HMCN2: variants seen among roughly 807,000 people sequenced by gnomAD.
HMCN2 encodes hemicentin-2.
Under a neutral mutation model 377.5 loss-of-function variants are expected in HMCN2, and 325 were observed. That is an observed-to-expected ratio of 0.86 (90% CI 0.79 to 0.94). The LOEUF (loss-of-function observed/expected upper bound fraction) is 0.94. HMCN2 is among the 40% of genes least tolerant of loss of function. HMCN2 has a pLI of 0.00. For missense variants in HMCN2, 4,543 were observed against 4,725.3 expected (o/e 0.96, Z 1.13); for synonymous variants, 2,007 against 2,046.8 (o/e 0.98, Z 0.53).
Position 130,377,796 on chromosome 9 carries a change from C to G in HMCN2, c.8209C>G (p.Gln2737Glu). 6 of 986,046 alleles carry G rather than the reference C, an allele frequency of 6.1e-6. No individual in the cohort carries two copies. The highest frequency in any genetic ancestry group is 7.2e-6 in the Non-Finnish European group (6 of 830,040). The allele number at this position is 986,046 out of a possible 1,614,324, so 61.1% of individuals were successfully genotyped here. Residue 2737 changes from glutamine (Q) to glutamate (E), a missense_variant, in exon 53 of 98, where the codon CAG (glutamine) becomes GAG (glutamate). Transcript: ENST00000683500. ...EDDQDFNVLI[Q>E]VPPMFQKVGD... ...CGACCAGGACTTCAACGTGCTCATC[C>G]AGGGTGCGTGGCGCCAGTGGGCCAG...
intron 15 of HMCN2, among the ~76,000 whole-genome samples, chr9:130,316,899 G>A (rs1837591109): frequency 6.6e-6 from 1 of 152,302 alleles, no homozygotes; most frequent in East Asian, 1.9e-4. Flanking sequence ...CCTCCCACAT[G>A]TACAATGAGG....
intron 71 of HMCN2, 97 bp downstream of exon 71, chr9:130,395,444 G>A (rs1381026871): frequency 2.8e-6 from 3 of 1,080,900 alleles, no homozygotes; most frequent in Admixed American, 7.1e-5. Context: ...GGTGCCAAGG[G>A]CCCGCTCTGA....
In HMCN2 at chr9:130,355,000, G is replaced by T. The variant is rs906804465; in HGVS notation, c.5102G>T (p.Ser1701Ile). The T allele has an allele frequency of 1.5e-6, 2 of 1,295,354 alleles. No homozygotes were observed. The highest frequency in any genetic ancestry group is 1.0e-6 in the Non-Finnish European group (1 of 988,460). 80.2% of individuals were successfully genotyped at this position (1,295,354 alleles called of 1,614,324 possible). A position where few individuals can be genotyped will look rare whatever the true frequency, so the allele number is the denominator to read the frequency against. Residue 1701 changes from serine to isoleucine, a missense_variant, in exon 32 of 98, where the codon AGT becomes ATT. By Grantham distance (142) the Ser-to-Ile change is moderately radical. Transcript: ENST00000683500. ...SSGLYSCVAS[S>I]PAGEAVLQYS... ...GGCCTGTACAGCTGTGTGGCCAGCA[G>T]TCCTGCCGGGGAAGCCGTCCTGCAG... is the stretch of plus-strand genomic sequence containing the variant.
chr9:130,311,730 G>A (rs1190739305), intron 15 of HMCN2, among the ~76,000 whole-genome samples: 7 of 152,146 alleles, frequency 4.6e-5, no homozygotes, highest in Non-Finnish European at 1.0e-4. Context: ...AGCCCTCCCC[G>A]TGACAAGAGA....
chr9:130,363,578 T>C (rs1840501740), intron 40 of HMCN2, among the ~76,000 whole-genome samples: 1 of 151,884 alleles, frequency 6.6e-6, no homozygotes, highest in Admixed American at 6.6e-5. Context: ...TCCCAGCACT[T>C]TGGGAGGCTG....
intron 21 of HMCN2, among the ~76,000 whole-genome samples, 178 bp downstream of exon 21, chr9:130,326,148 C>T (rs1273835572): frequency 3.9e-5 from 6 of 152,172 alleles, no homozygotes; most frequent in Admixed American, 2.6e-4. Context: ...CCTCTCTCTG[C>T]CCCAGACCCT....
At chr9:130,353,905 C>A (rs1055973994) in intron 31 of HMCN2, among the ~76,000 whole-genome samples, 3 of 152,086 alleles carry the variant, frequency 2.0e-5, no homozygotes, top group African/African-American at 7.2e-5. Context: ...TCAGCCTGGC[C>A]CCCCGTGGGG....
At chr9:130,372,212 T>C (rs1303753972) in intron 46 of HMCN2, 82 bp from the exon 47 acceptor site, 1 of 346,874 alleles carries the variant, frequency 2.9e-6, no homozygotes, top group Non-Finnish European at 4.1e-6. Context: ...TAATGCCTTT[T>C]CCTGCTGGGC....
intron 1 of HMCN2, among the ~76,000 whole-genome samples, chr9:130,277,156 C>T (rs1564738702): frequency 6.6e-6 from 1 of 152,250 alleles, no homozygotes; most frequent in Non-Finnish European, 1.5e-5. Flanking sequence ...ATGGGGCTGG[C>T]CCCACACCCT....
chr9:130,305,677 G>A (rs1208618648), intron 11 of HMCN2, among the ~76,000 whole-genome samples: 1 of 152,208 alleles, frequency 6.6e-6, no homozygotes, highest in Admixed American at 6.5e-5. Flanking sequence ...GCGCGGGCCT[G>A]TGAGCTCTTT....
chr9:130,362,930 T>C lies in HMCN2; in HGVS notation c.6172T>C (p.Ser2058Pro). 1 of 985,938 alleles carries C rather than the reference T, an allele frequency of 1.0e-6. No homozygotes were observed. Among genetic ancestry groups the C allele is most frequent in the Admixed American group, 6.1e-5 (1 of 16,294 alleles). The allele number at this position is 985,938 out of a possible 1,614,324, so 61.1% of individuals were successfully genotyped here. A position where few individuals can be genotyped will look rare whatever the true frequency, so the allele number is the denominator to read the frequency against. ...SARASDSGRY[S>P]CVAVSAVGED... is the part of the protein sequence containing the mutation. Reference sequence around the variant, plus strand: ...CCGGGCCTCCGACTCTGGGAGGTACTCCTGCGTGGCTGTGAGCGCGGTGGG... The same window carrying C: ...CCGGGCCTCCGACTCTGGGAGGTACCCCTGCGTGGCTGTGAGCGCGGTGGG... Residue 2058 changes from serine (S) to proline (P), a missense_variant, in exon 40 of 98, where the codon TCC (serine) becomes CCC (proline). By Grantham distance (74) the Ser-to-Pro change is moderately conservative. This residue lies in a region of HMCN2 where 1,032 missense variants were observed against 1,285.1 expected (regional missense o/e 0.80). Transcript: ENST00000683500.
At chr9:130,319,446 C>T (rs1355217461) in intron 15 of HMCN2, 49 bp from the exon 16 acceptor site, 2 of 152,286 alleles carry the variant, frequency 1.3e-5, no homozygotes, top group Admixed American at 1.3e-4. Flanking sequence ...GGACCTGCCG[C>T]TGAGCAGGTC....
intron 1 of HMCN2, among the ~76,000 whole-genome samples, chr9:130,273,919 A>G (rs1834537939): frequency 6.6e-6 from 1 of 152,262 alleles, no homozygotes; most frequent in Non-Finnish European, 1.5e-5. Context: ...AAATAAACTC[A>G]AAAAACAAGA....
intron 64 of HMCN2, 34 bp from the exon 65 acceptor site, chr9:130,391,416 C>G: frequency 2.0e-6 from 2 of 987,862 alleles, no homozygotes; most frequent in Non-Finnish European, 2.4e-6. Context: ...TGTTCCCTTA[C>G]GCCTCTGCCC....
intron 1 of HMCN2, among the ~76,000 whole-genome samples, chr9:130,278,146 ACG>A (rs1310260812): frequency 1.3e-5 from 2 of 151,936 alleles, no homozygotes; most frequent in Non-Finnish European, 2.9e-5. Flanking sequence ...TTTTTTTGAG[ACG>A]CAGTCTCGCT....
In HMCN2 at chr9:130,370,706, A is replaced by C. The variant is rs144453636; in HGVS notation, c.7070-258A>C. On this transcript the variant is annotated intron_variant, in intron 45 of 97. Coordinates refer to ENST00000683500, the MANE Select transcript of HMCN2 (RefSeq NM_001291815.2). ...TGGGCACTTTCACGTGTTCCTGTTG[A>C]ATCCCCCAGCATCCCGCTGAGGGCT... Among the ~76,000 whole-genome samples, 432 of 152,290 alleles carry C rather than the reference A, an allele frequency of 2.8e-3. 1 individual carries two copies. The highest frequency in any genetic ancestry group is 6.8e-3 in the Middle Eastern group (2 of 294).
intron 23 of HMCN2, among the ~76,000 whole-genome samples, chr9:130,340,169 A>T (rs1441639621): frequency 6.6e-6 from 1 of 152,236 alleles, no homozygotes; most frequent in Non-Finnish European, 1.5e-5. Flanking sequence ...TGAGAAAGTG[A>T]CTTGAAACCA....
rs923998079 is a variant in HMCN2, at chr9:130,422,082, C to T, written c.13232-495C>T. Among the ~76,000 whole-genome samples the T allele has an allele frequency of 2.6e-5, 4 of 152,356 alleles. No individual in the cohort carries two copies. The East Asian group carries it at 5.8e-4, about 22-fold the overall frequency. On this transcript the variant is annotated intron_variant, in intron 86 of 97. Coordinates refer to ENST00000683500, the MANE Select transcript of HMCN2 (RefSeq NM_001291815.2). The surrounding 1 kb of genome is among the most constrained non-coding windows in gnomAD (Gnocchi z 4.2). ...GCAGCGGCTAGGAAACCAGCCCACCCGGCCAGGCCAGCTGCAGGGCAGCCA... is the reference window on the plus strand; with the variant it reads ...GCAGCGGCTAGGAAACCAGCCCACCTGGCCAGGCCAGCTGCAGGGCAGCCA...
intron 8 of HMCN2, among the ~76,000 whole-genome samples, chr9:130,302,545 A>T (rs1425482059): frequency 6.6e-6 from 1 of 152,152 alleles, no homozygotes; most frequent in African/African-American, 2.4e-5. Context: ...CTTGAATTGA[A>T]TAGTCTAATA....
Sources: allele counts gnomAD v4.1 joint callset (sites outside exome capture counted in the v4.1 genomes callset), GRCh38; gene constraint gnomAD v4.1.1; regional missense constraint gnomAD v4.1.1; non-coding constraint Gnocchi (gnomAD v3.1); transcripts MANE v1.5; gene names NCBI Gene and HGNC (gene_info 2026-07-23, HGNC 2026-07-21).